The following SYNPR variants were observed in gnomAD, a reference collection of about 807,000 sequenced individuals.
SYNPR encodes synaptoporin.
In SYNPR, 23 loss-of-function variants were observed where a neutral mutation model predicts 32.9. The observed-to-expected ratio is 0.70, with a 90% CI of 0.50 to 0.99. The LOEUF (loss-of-function observed/expected upper bound fraction) is 0.99. Among genes scored for constraint, SYNPR ranks in the 50% least tolerant of loss-of-function variants. SYNPR has a pLI of 0.00. For synonymous variants in SYNPR, 146 were observed against 135.9 expected, an observed-to-expected ratio of 1.07 and a Z score of -0.52; for missense variants, 318 against 349.3, an observed-to-expected ratio of 0.91 and a Z score of 0.71.
chr3:63,389,827 C>T (rs1457125583), intron 2 of SYNPR, among the ~76,000 whole-genome samples: 1 of 152,216 alleles, frequency 6.6e-6, no homozygotes, highest in East Asian at 1.9e-4. Context: ...TCACTGTTCT[C>T]ACATATAAAG....
chr3:63,371,518 C>A (rs2087811954), intron 2 of SYNPR, among the ~76,000 whole-genome samples: 1 of 152,246 alleles, frequency 6.6e-6, no homozygotes, highest in South Asian at 2.1e-4. Flanking sequence ...AGACCAGTAG[C>A]AGCTCTGACT....
At chr3:63,357,026 T>A (rs934263272) in intron 2 of SYNPR, among the ~76,000 whole-genome samples, 1 of 152,250 alleles carries the variant, frequency 6.6e-6, no homozygotes, top group Admixed American at 6.5e-5. Flanking sequence ...AAATGCTGAA[T>A]GCTCCACAGA....
rs569735506 is a variant in SYNPR, at chr3:63,414,536, A to G, written c.85-66296A>G. On this transcript the variant is annotated intron_variant, in intron 2 of 5. Coordinates refer to ENST00000478300, the MANE Select transcript of SYNPR (RefSeq NM_001130003.2). ...CTGTCTTTGTCTTTTCATTATTGCA[A>G]TTCAGAAATATTGTGAATATTCAGA... Among the ~76,000 whole-genome samples the G allele has an allele frequency of 3.9e-5, 6 of 152,360 alleles. No homozygotes were observed. The South Asian group carries it at 8.3e-4, about 21-fold the overall frequency.
intron 3 of SYNPR, among the ~76,000 whole-genome samples, chr3:63,549,581 A>G (rs979937588): frequency 6.6e-6 from 1 of 152,152 alleles, no homozygotes; most frequent in African/African-American, 2.4e-5. Context: ...TAAATGAGAT[A>G]CAAGTAGGTA....
intron 3 of SYNPR, among the ~76,000 whole-genome samples, chr3:63,268,219 C>T (rs1202073584): frequency 1.3e-5 from 2 of 152,202 alleles, no homozygotes; most frequent in Non-Finnish European, 2.9e-5. Flanking sequence ...TCATAGATGA[C>T]ATGAGGAAAT....
At chr3:63,239,070 C>A (rs563727532) in intron 1 of SYNPR, among the ~76,000 whole-genome samples, 1 of 152,082 alleles carries the variant, frequency 6.6e-6, no homozygotes, top group African/African-American at 2.4e-5. Context: ...TGGAGCTGAC[C>A]ATTAATTAGG....
chr3:63,374,779 C>T (rs2087866204), intron 2 of SYNPR, among the ~76,000 whole-genome samples: 1 of 152,134 alleles, frequency 6.6e-6, no homozygotes, highest in Non-Finnish European at 1.5e-5. Flanking sequence ...TACACAGCCT[C>T]CCTCAAATTA....
chr3:63,598,014 A>G (rs1348035694), intron 4 of SYNPR, among the ~76,000 whole-genome samples: 1 of 152,200 alleles, frequency 6.6e-6, no homozygotes, highest in Non-Finnish European at 1.5e-5. Context: ...TGATCCATTT[A>G]CAGTGTGGAT....
chr3:63,494,597 A>G (rs188647132), intron 3 of SYNPR, among the ~76,000 whole-genome samples: 22 of 151,326 alleles, frequency 1.5e-4, no homozygotes, highest in African/African-American at 5.3e-4. Flanking sequence ...AAAGGCCACT[A>G]TTGATAAGTT....
chr3:63,253,040 G>GAAAAA (rs200342050), intron 2 of SYNPR, among the ~76,000 whole-genome samples: 1 of 124,036 alleles, frequency 8.1e-6, no homozygotes, highest in Non-Finnish European at 1.7e-5. Flanking sequence ...CTCTGTCTCA[G>GAAAAA]AAAAAAAAAA....
chr3:63,274,983 A>G (rs1402236321), upstream of SYNPR, among the ~76,000 whole-genome samples: 1 of 152,244 alleles, frequency 6.6e-6, no homozygotes, highest in Non-Finnish European at 1.5e-5. Context: ...AAGTATTCAT[A>G]GCTATGGGTC....
chr3:63,438,113 T>C (rs1700115989), intron 2 of SYNPR, among the ~76,000 whole-genome samples: 1 of 152,240 alleles, frequency 6.6e-6, no homozygotes, highest in Non-Finnish European at 1.5e-5. Flanking sequence ...GGGCTGAGGA[T>C]ACAGAGATAG....
chr3:63,439,670 T>G (rs1198070865), intron 2 of SYNPR, among the ~76,000 whole-genome samples: 1 of 152,218 alleles, frequency 6.6e-6, no homozygotes, highest in Non-Finnish European at 1.5e-5. Context: ...TTTACATGCC[T>G]TCCAATTAAA....
intron 4 of SYNPR, among the ~76,000 whole-genome samples, chr3:63,576,997 T>C (rs1308015650): frequency 2.0e-5 from 3 of 152,092 alleles, no homozygotes; most frequent in Non-Finnish European, 4.4e-5. Context: ...AACCAGTTTT[T>C]AATCTCTGGT....
chr3:63,451,581 T>C (rs534357911), intron 2 of SYNPR, among the ~76,000 whole-genome samples: 33 of 152,144 alleles, frequency 2.2e-4, no homozygotes, highest in Non-Finnish European at 4.0e-4. Flanking sequence ...TACCCATTTG[T>C]TGTGGAGTCA....
chr3:63,517,511 T>C (rs979906527), intron 3 of SYNPR, among the ~76,000 whole-genome samples: 2 of 152,124 alleles, frequency 1.3e-5, no homozygotes, highest in African/African-American at 4.8e-5. Context: ...CCTTTTTTAT[T>C]ATAAAAAGTG....
At chr3:63,231,110 CCAA>C (rs2086163585) in intron 1 of SYNPR, among the ~76,000 whole-genome samples, 1 of 151,984 alleles carries the variant, frequency 6.6e-6, no homozygotes, top group African/African-American at 2.4e-5. Flanking sequence ...TGCCCATCGA[CCAA>C]CAAGTGGATA....
At position 63,387,711 on chromosome 3, in the gene SYNPR, A is replaced by G. The variant is rs561028720; in HGVS notation, c.85-93121A>G. On this transcript the variant is annotated intron_variant, in intron 2 of 5. Transcript: ENST00000478300. ...TGATTCATCCTTCTAGGCCAAAAGAATAAGTGAGGGAAATAGCAAGAAAGG... is the reference window on the plus strand; with the variant it reads ...TGATTCATCCTTCTAGGCCAAAAGAGTAAGTGAGGGAAATAGCAAGAAAGG... 2.0e-5 allele frequency among the ~76,000 whole-genome samples: 3 copies of G among 152,332 alleles called. No individual in the cohort carries two copies. In the South Asian group the frequency reaches 6.2e-4, roughly 32 times the overall value.
chr3:63,524,853 A>ATGTGTG (rs764949799), intron 3 of SYNPR, among the ~76,000 whole-genome samples: 1 of 66,268 alleles, frequency 1.5e-5, no homozygotes, highest in East Asian at 5.2e-4. Context: ...GTGTGTGTGC[A>ATGTGTG]TGTGTGTGTG....
Sources: allele counts gnomAD v4.1 joint callset (sites outside exome capture counted in the v4.1 genomes callset), GRCh38; gene constraint gnomAD v4.1.1; transcripts MANE v1.5; gene names NCBI Gene and HGNC (gene_info 2026-07-23, HGNC 2026-07-21).